Variants in BATF3 observed in about 807,000 individuals in gnomAD.
BATF3 encodes basic leucine zipper ATF-like transcription factor 3, also known as basic leucine zipper transcriptional factor ATF-like 3.
In BATF3, 8 loss-of-function variants were observed where a neutral mutation model predicts 16.1. The observed-to-expected ratio is 0.50, with a 90% confidence interval of 0.29 to 0.90. The LOEUF is 0.90. BATF3 is among the 40% of genes least tolerant of loss of function. The pLI is 0.08. For synonymous variants in BATF3, 74 were observed against 72.7 expected (o/e 1.02, Z -0.09); for missense variants, 139 against 167.0 (o/e 0.83, Z 0.92).
At chr1:212,687,013 G>T (rs770381929) in intron 2 of BATF3, 34 bp from the exon 3 acceptor site, 12 of 1,388,286 alleles carry the variant, frequency 8.6e-6, no homozygotes, top group Non-Finnish European at 1.2e-5. Context: ...ATCATTTCTG[G>T]TGCAGCGTTC....
intron 2 of BATF3, among the ~76,000 whole-genome samples, chr1:212,688,468 G>A (rs543240239): frequency 1.1e-4 from 17 of 152,332 alleles, no homozygotes; most frequent in African/African-American, 2.2e-4. Flanking sequence ...TTCTCCGTCC[G>A]TCCTTGGATG....
In BATF3 at chr1:212,695,221, C is replaced by T. The variant is rs559374313; in HGVS notation, c.195+1740G>A. Among the ~76,000 whole-genome samples, 7 of 152,212 alleles carry T rather than the reference C, an allele frequency of 4.6e-5. No individual in the cohort carries two copies. The South Asian group carries it at 6.2e-4, about 14-fold the overall frequency. Reference sequence around the variant, plus strand: ...CTACAAAACTACAAAAATGGCCAGGCGCAGTGGCTCACACCTGTAATCCCA... The same window carrying T: ...CTACAAAACTACAAAAATGGCCAGGTGCAGTGGCTCACACCTGTAATCCCA... On this transcript the variant is annotated intron_variant, in intron 2 of 2. Coordinates refer to ENST00000243440, the MANE Select transcript of BATF3 (RefSeq NM_018664.3).
chr1:212,695,763 T>A (rs549711103), intron 2 of BATF3, among the ~76,000 whole-genome samples: 1 of 152,288 alleles, frequency 6.6e-6, no homozygotes, highest in East Asian at 1.9e-4. Flanking sequence ...CCTTGGATGC[T>A]TTCAAGGCCA....
intron 2 of BATF3, among the ~76,000 whole-genome samples, chr1:212,692,596 C>T (rs1395468119): frequency 6.6e-6 from 1 of 152,148 alleles, no homozygotes; most frequent in African/African-American, 2.4e-5. Context: ...CGCCACCACA[C>T]CTGGCTAATT....
At chr1:212,688,077 GA>G (rs1656902083) in intron 2 of BATF3, among the ~76,000 whole-genome samples, 2 of 149,932 alleles carry the variant, frequency 1.3e-5, no homozygotes, top group Non-Finnish European at 3.0e-5. Context: ...AAAAAAAAAA[GA>G]AAAAGCTCTT....
Position 212,689,911 on chromosome 1 carries a change from CCA to C in BATF3, c.196-2934_196-2933del, listed in dbSNP as rs1491157380. On this transcript the variant is annotated intron_variant, in intron 2 of 2. Coordinates refer to ENST00000243440, the MANE Select transcript of BATF3 (RefSeq NM_018664.3). The surrounding 1 kb of genome is among the most constrained non-coding windows in gnomAD (Gnocchi z 4.6). ...TCTGCAAACACACTCTCATACCCAG[CCA>C]CAGACACTCTCACACACATACACAA... 1.3e-5 allele frequency among the ~76,000 whole-genome samples: 2 copies of C among 149,730 alleles called. No homozygotes were observed. Among genetic ancestry groups the C allele is most frequent in the Non-Finnish European group, 3.0e-5 (2 of 67,758 alleles).
intron 2 of BATF3, chr1:212,687,502 C>T (rs932903160): frequency 3.1e-4 from 50 of 159,762 alleles, no homozygotes; most frequent in African/African-American, 1.1e-3. Context: ...TTTACAGAGG[C>T]GTAGAACTGC....
rs555976430 is a variant in BATF3, at chr1:212,688,455, T to C, written c.196-1476A>G. ...AAATGCAAGCTTTATCTGCATGTGC[T>C]GCTTCTCCGTCCGTCCTTGGATGAT... On this transcript the variant is annotated intron_variant, in intron 2 of 2. Coordinates refer to ENST00000243440, the MANE Select transcript of BATF3 (RefSeq NM_018664.3). Among the ~76,000 whole-genome samples the C allele has an allele frequency of 7.2e-5, 11 of 152,372 alleles. No homozygotes were observed. In the South Asian group the frequency reaches 2.1e-3, roughly 29 times the overall value.
intron 2 of BATF3, among the ~76,000 whole-genome samples, chr1:212,688,861 G>A (rs761174150): frequency 2.0e-5 from 3 of 152,144 alleles, no homozygotes; most frequent in Admixed American, 6.5e-5. Context: ...GCCCAATTGC[G>A]TTACTCATCA....
chr1:212,697,645 A>G (rs1414051671), intron 1 of BATF3: 1 of 152,484 alleles, frequency 6.6e-6, no homozygotes, highest in African/African-American at 2.4e-5. Flanking sequence ...CCCCACTGAC[A>G]GTGTACTCAT....
intron 1 of BATF3, chr1:212,698,659 G>A (rs1190437948): frequency 6.6e-6 from 1 of 152,178 alleles, no homozygotes; most frequent in Admixed American, 6.5e-5. Context: ...AAAGTCACTA[G>A]CACAAGAAAG....
intron 2 of BATF3, among the ~76,000 whole-genome samples, chr1:212,691,471 G>A (rs1441476704): frequency 6.6e-6 from 1 of 152,188 alleles, no homozygotes; most frequent in East Asian, 1.9e-4. Flanking sequence ...GAAGTAAGAG[G>A]CCATAAGATC....
rs1271828469 is a variant in BATF3, at chr1:212,699,617, C to A, written c.90+56G>T. ...ACTCCAGCACCCACCTCCTCGCCCC[C>A]CGCGGCGCGCCGGTCCCCGCACCCC... On this transcript the variant is annotated intron_variant, in intron 1 of 2. Transcript: ENST00000243440. The surrounding 1 kb of genome is among the most constrained non-coding windows in gnomAD (Gnocchi z 4.4). 9.6e-6 allele frequency: 12 copies of A among 1,243,798 alleles called. No individual in the cohort carries two copies. The South Asian group carries it at 2.7e-4, about 28-fold the overall frequency. 77.0% of individuals were successfully genotyped at this position (1,243,798 alleles called of 1,614,324 possible).
intron 2 of BATF3, among the ~76,000 whole-genome samples, chr1:212,696,747 T>C (rs1657141961): frequency 6.6e-6 from 1 of 152,088 alleles, no homozygotes; most frequent in African/African-American, 2.4e-5. Flanking sequence ...TGTTTTATAA[T>C]GAAATAAACT....
chr1:212,698,088 T>C (rs1346354086), intron 1 of BATF3: 1 of 152,192 alleles, frequency 6.6e-6, no homozygotes, highest in Non-Finnish European at 1.5e-5. Context: ...AAGTTTCAGA[T>C]ATGCAAGAAT....
chr1:212,689,153 A>G lies in BATF3; in HGVS notation c.196-2174T>C, dbSNP rs1558019546. Among the ~76,000 whole-genome samples, 1 of 152,064 alleles carries G rather than the reference A, an allele frequency of 6.6e-6. No individual in the cohort carries two copies. The highest frequency in any genetic ancestry group is 1.5e-5 in the Non-Finnish European group (1 of 68,002). ...CTCATATGAAGTAATGTCTCCCCCCAAAGATCAGAAATGTAAAGGACCTAG... is the reference window on the plus strand; with the variant it reads ...CTCATATGAAGTAATGTCTCCCCCCGAAGATCAGAAATGTAAAGGACCTAG... On this transcript the variant is annotated intron_variant, in intron 2 of 2. Transcript: ENST00000243440. The surrounding 1 kb of genome is among the most constrained non-coding windows in gnomAD (Gnocchi z 4.6).
chr1:212,692,458 A>C lies in BATF3; in HGVS notation c.195+4503T>G, dbSNP rs369269705. ...GAGTATGTGAGTGAGGTGAGGAGAG[A>C]AAAGTGGAAACTCTTGTTGCCCAGG... On this transcript the variant is annotated intron_variant, in intron 2 of 2. Transcript: ENST00000243440. 3.7e-4 allele frequency among the ~76,000 whole-genome samples: 57 copies of C among 152,246 alleles called. No individual in the cohort carries two copies. The South Asian group carries it at 0.011, about 31-fold the overall frequency.
rs74141111 is a variant in BATF3 at position 212,691,562 on chromosome 1, G to T, written c.196-4583C>A. Among the ~76,000 whole-genome samples the T allele has an allele frequency of 3.1e-3, 468 of 152,350 alleles. 1 individual carries two copies. The highest frequency in any genetic ancestry group is 0.01 in the Middle Eastern group (3 of 294). On this transcript the variant is annotated intron_variant, in intron 2 of 2. Transcript: ENST00000243440. Reference sequence around the variant, plus strand: ...AAAAATTGTGTTACCAGCAAGGGCTGTACAAATGAGTGCCACAATCAGTTT... The same window carrying T: ...AAAAATTGTGTTACCAGCAAGGGCTTTACAAATGAGTGCCACAATCAGTTT...
chr1:212,695,266 G>A (rs551719335), intron 2 of BATF3, among the ~76,000 whole-genome samples: 8 of 152,160 alleles, frequency 5.3e-5, no homozygotes, highest in South Asian at 2.1e-4. Flanking sequence ...AGGCCGAGGC[G>A]GGTGAATCAC....
Sources: gnomAD v4.1 joint callset for allele counts (sites outside exome capture counted in the v4.1 genomes callset) on GRCh38, gnomAD v4.1.1 for gene constraint, Gnocchi (gnomAD v3.1) non-coding constraint, MANE v1.5 for transcripts, NCBI Gene and HGNC (gene_info 2026-07-23, HGNC 2026-07-21) for gene names.